ST6GALNAC3: variants seen among roughly 807,000 people sequenced by gnomAD.
ST6GALNAC3 encodes ST6 N-acetylgalactosaminide alpha-2,6-sialyltransferase 3, also known as alpha-N-acetylgalactosaminide alpha-2,6-sialyltransferase 3.
ST6GALNAC3 carries 25 observed loss-of-function variants against 32.7 expected under a neutral mutation model. The observed-to-expected ratio is 0.76, with a 90% CI of 0.56 to 1.07. The LOEUF is 1.07. ST6GALNAC3 is among the 50% of genes least tolerant of loss of function. ST6GALNAC3 has a pLI of 0.00. For synonymous variants in ST6GALNAC3, 129 were observed against 133.1 expected (o/e 0.97, Z 0.21); for missense variants, 355 against 382.4 (o/e 0.93, Z 0.60).
intron 1 of ST6GALNAC3, among the ~76,000 whole-genome samples, chr1:76,132,776 A>C (rs557134101): frequency 3.3e-4 from 51 of 152,296 alleles, no homozygotes; most frequent in Middle Eastern, 3.4e-3. Context: ...AGGGACAAGG[A>C]AGTCTTCCAT....
At chr1:76,204,124 C>T (rs574696635) in intron 1 of ST6GALNAC3, among the ~76,000 whole-genome samples, 13 of 152,102 alleles carry the variant, frequency 8.5e-5, no homozygotes, top group South Asian at 2.1e-4. Flanking sequence ...TTTTTAATTC[C>T]CCACAGATTA....
At chr1:76,329,460 A>G (rs1647145402) in intron 2 of ST6GALNAC3, among the ~76,000 whole-genome samples, 1 of 152,204 alleles carries the variant, frequency 6.6e-6, no homozygotes, top group Non-Finnish European at 1.5e-5. Flanking sequence ...TGTTTGAAAA[A>G]TAATAATATA....
At chr1:76,328,756 T>C (rs1475763176) in intron 2 of ST6GALNAC3, among the ~76,000 whole-genome samples, 3 of 152,160 alleles carry the variant, frequency 2.0e-5, no homozygotes, top group Admixed American at 2.0e-4. Flanking sequence ...TTGACATCGT[T>C]TGTCAGAAAT....
chr1:76,093,714 A>G (rs986314881), intron 1 of ST6GALNAC3, among the ~76,000 whole-genome samples: 2 of 152,224 alleles, frequency 1.3e-5, no homozygotes, highest in Non-Finnish European at 2.9e-5. Context: ...ATCAGCTGAG[A>G]GACAACGCCA....
chr1:76,496,695 G>A (rs1452022249), intron 3 of ST6GALNAC3, among the ~76,000 whole-genome samples: 4 of 152,116 alleles, frequency 2.6e-5, no homozygotes, highest in East Asian at 1.9e-4. Context: ...GGAGTAAGAG[G>A]TATAATTAAA....
intron 1 of ST6GALNAC3, among the ~76,000 whole-genome samples, chr1:76,188,482 T>C (rs1653707246): frequency 6.6e-6 from 1 of 152,220 alleles, no homozygotes; most frequent in African/African-American, 2.4e-5. Flanking sequence ...AAGGGATTGT[T>C]GTATATGCGA....
intron 1 of ST6GALNAC3, among the ~76,000 whole-genome samples, chr1:76,081,239 C>T (rs887529760): frequency 4.1e-4 from 61 of 147,316 alleles, no homozygotes; most frequent in African/African-American, 1.6e-3. Flanking sequence ...GAAGAATTGT[C>T]TGGGCCACAC....
intron 1 of ST6GALNAC3, among the ~76,000 whole-genome samples, chr1:76,219,925 C>T (rs534294794): frequency 6.6e-6 from 1 of 152,202 alleles, no homozygotes; most frequent in South Asian, 2.1e-4. Flanking sequence ...CTGCAGCACC[C>T]AACCCTGAGC....
intron 3 of ST6GALNAC3, among the ~76,000 whole-genome samples, chr1:76,549,948 A>G (rs315061): frequency 0.17 from 25,507 of 152,208 alleles, 3,244 homozygotes; most frequent in African/African-American, 0.36. Flanking sequence ...GAAGATCTTT[A>G]AATAGGTATC....
At chr1:76,579,523 T>G (rs1475674878) in intron 3 of ST6GALNAC3, among the ~76,000 whole-genome samples, 1 of 152,122 alleles carries the variant, frequency 6.6e-6, no homozygotes, top group East Asian at 1.9e-4. Context: ...CATACATTTT[T>G]TAAGAAATCA....
At chr1:76,552,591 T>C (rs79987521) in intron 3 of ST6GALNAC3, among the ~76,000 whole-genome samples, 1,770 of 152,278 alleles carry the variant, frequency 0.012, 27 homozygotes, top group African/African-American at 0.038. Context: ...TTTATGTTGA[T>C]CATGTATCTG....
chr1:76,384,374 C>G (rs1651939774), intron 2 of ST6GALNAC3, among the ~76,000 whole-genome samples: 2 of 151,916 alleles, frequency 1.3e-5, no homozygotes, highest in Admixed American at 6.6e-5. Context: ...TTTAGTAGCA[C>G]AAAATATTTA....
chr1:76,324,272 G>T (rs541495823), intron 2 of ST6GALNAC3, among the ~76,000 whole-genome samples: 10 of 152,288 alleles, frequency 6.6e-5, no homozygotes, highest in African/African-American at 2.4e-4. Flanking sequence ...ACTTTAAAAA[G>T]TGAATATTCT....
In ST6GALNAC3 at chr1:76,629,642, AC is replaced by A; in HGVS notation, c.*837del. The A allele has an allele frequency of 1.0e-6, 1 of 985,304 alleles. No individual in the cohort carries two copies. Among genetic ancestry groups the A allele is most frequent in the Middle Eastern group, 5.2e-4 (1 of 1,914 alleles). 61.0% of individuals were successfully genotyped at this position (985,304 alleles called of 1,614,324 possible). A position where few individuals can be genotyped will look rare whatever the true frequency, so the allele number is the denominator to read the frequency against. ...CAACTTCAACACTGTAATAACATATACTGTGAAAACATTCCTAAAAAGTAAC... is the reference window on the plus strand; with the variant it reads ...CAACTTCAACACTGTAATAACATATATGTGAAAACATTCCTAAAAAGTAAC... On this transcript the variant is annotated 3_prime_UTR_variant, in exon 5 of 5. Coordinates refer to ENST00000328299, the MANE Select transcript of ST6GALNAC3 (RefSeq NM_152996.4).
chr1:76,267,718 A>T (rs1425106897), intron 1 of ST6GALNAC3, among the ~76,000 whole-genome samples: 1 of 152,218 alleles, frequency 6.6e-6, no homozygotes, highest in South Asian at 2.1e-4. Context: ...AGGCAAATGA[A>T]GGGAATTCAT....
chr1:76,216,201 A>G (rs934280864), intron 1 of ST6GALNAC3, among the ~76,000 whole-genome samples: 30 of 152,034 alleles, frequency 2.0e-4, no homozygotes, highest in African/African-American at 6.8e-4. Context: ...TCAGATTACA[A>G]CCTTTCCCTG....
intron 2 of ST6GALNAC3, among the ~76,000 whole-genome samples, chr1:76,411,581 C>G (rs913631613): frequency 3.3e-5 from 5 of 152,088 alleles, no homozygotes; most frequent in African/African-American, 1.2e-4. Flanking sequence ...TTCATGCATA[C>G]AGGTAAAATA....
chr1:76,596,908 A>C (rs186355038), intron 3 of ST6GALNAC3, among the ~76,000 whole-genome samples: 33 of 152,268 alleles, frequency 2.2e-4, no homozygotes, highest in Non-Finnish European at 3.5e-4. Context: ...GTGAGCTTAT[A>C]ATTATCCTTG....
chr1:76,245,566 T>C (rs1324654267), intron 1 of ST6GALNAC3, among the ~76,000 whole-genome samples: 4 of 152,182 alleles, frequency 2.6e-5, no homozygotes, highest in Non-Finnish European at 4.4e-5. Flanking sequence ...TGTGGGCATT[T>C]AATGGTATAA....
Sources: gnomAD v4.1 joint callset for allele counts (sites outside exome capture counted in the v4.1 genomes callset) on GRCh38, gnomAD v4.1.1 for gene constraint, MANE v1.5 for transcripts, NCBI Gene and HGNC (gene_info 2026-07-23, HGNC 2026-07-21) for gene names.